Variants in EYS observed in about 807,000 individuals in gnomAD.
EYS encodes EGF-like photoreceptor maintenance factor, also known as protein eyes shut homolog.
A neutral mutation model predicts 282.1 loss-of-function variants in EYS; 250 were observed. The observed-to-expected ratio is 0.89, with a 90% CI of 0.80 to 0.98. The LOEUF (loss-of-function observed/expected upper bound fraction) is 0.98. Among genes scored for constraint, EYS ranks in the 50% least tolerant of loss-of-function variants. The pLI is 0.00. For missense variants in EYS, 4,016 were observed against 3,709.0 expected, an observed-to-expected ratio of 1.08 and a Z score of -2.15; for synonymous variants, 1,355 against 1,282.9, an observed-to-expected ratio of 1.06 and a Z score of -1.20.
chr6:64,277,465 C>G (rs1171445470), intron 30 of EYS, among the ~76,000 whole-genome samples: 1 of 152,044 alleles, frequency 6.6e-6, no homozygotes, highest in African/African-American at 2.4e-5. Context: ...GATAAAAGCA[C>G]AGAAAGAACT....
chr6:63,761,149 C>T (rs967502461), intron 41 of EYS, among the ~76,000 whole-genome samples: 2 of 151,530 alleles, frequency 1.3e-5, no homozygotes, highest in African/African-American at 4.9e-5. Flanking sequence ...GAAAGGCTTC[C>T]CTAAATTAGC....
intron 12 of EYS, among the ~76,000 whole-genome samples, chr6:65,268,891 A>G (rs1483741999): frequency 6.6e-6 from 1 of 152,056 alleles, no homozygotes; most frequent in African/African-American, 2.4e-5. Context: ...AGCTTTAATG[A>G]TTGTAAAACT....
chr6:63,738,930 C>A (rs559761495), intron 41 of EYS, among the ~76,000 whole-genome samples: 1 of 152,202 alleles, frequency 6.6e-6, no homozygotes, highest in East Asian at 1.9e-4. Context: ...TTTTGGAGAT[C>A]GTTGCTACAT....
intron 30 of EYS, among the ~76,000 whole-genome samples, chr6:64,250,877 T>C (rs1767187810): frequency 6.6e-6 from 1 of 152,202 alleles, no homozygotes; most frequent in African/African-American, 2.4e-5. Context: ...TATTTTTCTT[T>C]TATGCAAATC....
chr6:64,243,432 T>C (rs1191074934), intron 30 of EYS, among the ~76,000 whole-genome samples: 1 of 152,214 alleles, frequency 6.6e-6, no homozygotes, highest in Non-Finnish European at 1.5e-5. Flanking sequence ...GCCACTTTCG[T>C]GGACTCAGGT....
chr6:64,823,255 A>G (rs1197068454), intron 19 of EYS, among the ~76,000 whole-genome samples: 1 of 151,794 alleles, frequency 6.6e-6, no homozygotes, highest in East Asian at 1.9e-4. Context: ...GCTCCCTGAG[A>G]TTTCTAAATG....
At chr6:65,326,939 T>A (rs1416863291) in intron 11 of EYS, among the ~76,000 whole-genome samples, 7 of 151,704 alleles carry the variant, frequency 4.6e-5, no homozygotes, top group Non-Finnish European at 1.0e-4. Context: ...ATAAGTTTTT[T>A]AAATCAATTC....
At chr6:65,356,251 C>T (rs962187820) in intron 8 of EYS, among the ~76,000 whole-genome samples, 6 of 152,030 alleles carry the variant, frequency 3.9e-5, no homozygotes, top group Non-Finnish European at 8.8e-5. Flanking sequence ...TAAGTCCTGT[C>T]TAAGGTATTT....
At chr6:64,947,030 G>T (rs377061035) in intron 14 of EYS, among the ~76,000 whole-genome samples, 4 of 151,822 alleles carry the variant, frequency 2.6e-5, no homozygotes, top group East Asian at 1.9e-4. Flanking sequence ...ATAGAGTTAA[G>T]AAGTCTATAT....
At chr6:65,589,540 G>T (rs1335509288) in intron 2 of EYS, among the ~76,000 whole-genome samples, 3 of 151,660 alleles carry the variant, frequency 2.0e-5, no homozygotes, top group African/African-American at 7.3e-5. Flanking sequence ...CTTGAATTCT[G>T]CTTGTACTCT....
chr6:64,565,619 T>TG (rs1406801205), intron 26 of EYS, among the ~76,000 whole-genome samples: 3 of 151,506 alleles, frequency 2.0e-5, no homozygotes, highest in African/African-American at 7.3e-5. Context: ...TAGGGGAAAA[T>TG]GGGGAGATGT....
At position 63,864,276 on chromosome 6, in the gene EYS, A is replaced by G. The variant is rs1344785031; in HGVS notation, c.7138T>C (p.Cys2380Arg). 2.6e-6 allele frequency: 4 copies of G among 1,551,426 alleles called. No homozygotes were observed. The Admixed American group carries it at 7.8e-5, about 30-fold the overall frequency. Reference sequence around the variant, plus strand: ...GGAACACAGGTGGCACCATTTCCACATGGGTTGTTTTCACAACTTGCAAAC... The same window carrying G: ...GGAACACAGGTGGCACCATTTCCACGTGGGTTGTTTTCACAACTTGCAAAC... The part of the protein sequence containing the change: ...CQFASCENNP[C>R]GNGATCVPKS... Residue 2380 changes from cysteine (C) to arginine (R), a missense_variant, in exon 36 of 43, where the codon TGT becomes CGT. Transcript: ENST00000503581.
At chr6:64,231,103 C>T (rs1374812140) in intron 30 of EYS, among the ~76,000 whole-genome samples, 5 of 152,176 alleles carry the variant, frequency 3.3e-5, no homozygotes, top group Non-Finnish European at 5.9e-5. Flanking sequence ...AAACATAGTC[C>T]TCCTTTAGCT....
At chr6:64,759,589 T>C (rs538581331) in intron 22 of EYS, among the ~76,000 whole-genome samples, 2 of 152,288 alleles carry the variant, frequency 1.3e-5, no homozygotes, top group Non-Finnish European at 2.9e-5. Flanking sequence ...AGTGCAGAAT[T>C]AACACTGAGA....
intron 30 of EYS, among the ~76,000 whole-genome samples, chr6:64,297,353 A>G (rs1408921847): frequency 6.7e-6 from 1 of 148,240 alleles, no homozygotes; most frequent in East Asian, 2.0e-4. Flanking sequence ...ATAACTGCAT[A>G]TATGAGGAAA....
At chr6:64,274,481 G>GTGTTTTTTTTTT in intron 30 of EYS, among the ~76,000 whole-genome samples, 1 of 92,228 alleles carries the variant, frequency 1.1e-5, no homozygotes, top group African/African-American at 4.7e-5. Context: ...ACGCCTGGCC[G>GTGTTTTTTTTTT]TTTTTTTTTT....
intron 31 of EYS, among the ~76,000 whole-genome samples, chr6:64,125,416 T>TA (rs1206892442): frequency 5.9e-5 from 9 of 151,666 alleles, no homozygotes; most frequent in Admixed American, 6.6e-5. Flanking sequence ...TTTTTTTTTT[T>TA]AACCAGGCTT....
chr6:64,418,663 ATTAAG>A (rs1774134290), intron 28 of EYS, among the ~76,000 whole-genome samples: 1 of 152,294 alleles, frequency 6.6e-6, no homozygotes, highest in Non-Finnish European at 1.5e-5. Context: ...AGAAATGTAA[ATTAAG>A]TTGAGATGTA....
intron 29 of EYS, among the ~76,000 whole-genome samples, chr6:64,364,035 A>T (rs1000323059): frequency 6.6e-6 from 1 of 151,822 alleles, no homozygotes; most frequent in African/African-American, 2.4e-5. Flanking sequence ...CACATCATGC[A>T]GCCCTTATCT....
Sources: allele counts gnomAD v4.1 joint callset (sites outside exome capture counted in the v4.1 genomes callset), GRCh38; gene constraint gnomAD v4.1.1; transcripts MANE v1.5; gene names NCBI Gene and HGNC (gene_info 2026-07-23, HGNC 2026-07-21).